ASB8: variants seen among roughly 807,000 people sequenced by gnomAD.
ASB8 encodes ankyrin repeat and SOCS box containing 8.
A neutral mutation model predicts 22.9 loss-of-function variants in ASB8; 15 were observed. The observed-to-expected ratio is 0.66, with a 90% CI of 0.44 to 1.01. The LOEUF (loss-of-function observed/expected upper bound fraction) is 1.01. Ranked by LOEUF, ASB8 falls within the 50% of genes least tolerant of loss-of-function variation. The pLI, the probability that ASB8 is intolerant of heterozygous loss-of-function variation, is 0.00. For synonymous variants in ASB8, 124 were observed against 140.8 expected, an observed-to-expected ratio of 0.88 and a Z score of 0.84; for missense variants, 294 against 356.9, an observed-to-expected ratio of 0.82 and a Z score of 1.42.
At chr12:48,154,441 A>T (rs893409667) in intron 1 of ASB8, among the ~76,000 whole-genome samples, 2 of 138,544 alleles carry the variant, frequency 1.4e-5, no homozygotes, top group Admixed American at 1.6e-4. Flanking sequence ...AGATCGGGCC[A>T]CCGCACTCCA....
At chr12:48,154,436 G>A (rs1481519482) in intron 1 of ASB8, among the ~76,000 whole-genome samples, 8 of 148,008 alleles carry the variant, frequency 5.4e-5, no homozygotes, top group African/African-American at 1.5e-4. Flanking sequence ...AGCCGAGATC[G>A]GGCCACCGCA....
At chr12:48,152,231 T>TA (rs1951215614) in intron 2 of ASB8, among the ~76,000 whole-genome samples, 1 of 152,106 alleles carries the variant, frequency 6.6e-6, no homozygotes, top group Non-Finnish European at 1.5e-5. Context: ...GAGCTAGAAT[T>TA]AGAATGTTAC....
At position 48,149,462 on chromosome 12, in the gene ASB8, G is replaced by A. The variant is rs758866263; in HGVS notation, c.771C>T (p.Ala257=). ...ACTGGAGTCCCAGGCTACGGCGCACGGCATAGCGAGCGAGTGTTTTTAGAG... is the reference window on the plus strand; with the variant it reads ...ACTGGAGTCCCAGGCTACGGCGCACAGCATAGCGAGCGAGTGTTTTTAGAG... ...PGTLKTLARY[A]VRRSLGLQYL... The change falls in exon 4 of 4, where the codon GCC becomes GCT. Residue 257 remains alanine, a synonymous_variant. Transcript: ENST00000317697. 3.5e-5 allele frequency: 56 copies of A among 1,613,996 alleles called. 1 individual carries two copies. The Admixed American group carries it at 7.3e-4, about 21-fold the overall frequency.
chr12:48,149,466 T>C lies in ASB8; in HGVS notation c.767A>G (p.Tyr256Cys). ...GAGTCCCAGGCTACGGCGCACGGCA[T>C]AGCGAGCGAGTGTTTTTAGAGTTCC... is the stretch of plus-strand genomic sequence containing the variant. ...APGTLKTLAR[Y>C]AVRRSLGLQY... Residue 256 changes from tyrosine to cysteine, a missense_variant, in exon 4 of 4, where the codon TAT becomes TGT. Physicochemically the swap from Tyr to Cys is radical, Grantham distance 194. Transcript: ENST00000317697. 2 of 1,614,180 alleles carry C rather than the reference T, an allele frequency of 1.2e-6. No homozygotes were observed. Among genetic ancestry groups the C allele is most frequent in the Non-Finnish European group, 1.7e-6 (2 of 1,180,004 alleles).
intron 2 of ASB8, chr12:48,152,975 G>C (rs1951226885): frequency 5.6e-6 from 1 of 177,942 alleles, no homozygotes; most frequent in African/African-American, 2.4e-5. Flanking sequence ...CTGCACTCCA[G>C]CCTGGGTGAC....
intron 1 of ASB8, among the ~76,000 whole-genome samples, chr12:48,154,480 C>CAA (rs11384481): frequency 0.18 from 12,986 of 73,214 alleles, 1,815 homozygotes; most frequent in East Asian, 0.3. Context: ...GACTCTATCT[C>CAA]AAAAAAAAAA....
At chr12:48,153,304 G>A in intron 2 of ASB8, 64 bp downstream of exon 2, 1 of 1,576,386 alleles carries the variant, frequency 6.3e-7, no homozygotes. Context: ...GCAAATCTGT[G>A]ATCCATGAGG....
rs777731256 is a variant in ASB8 at position 48,149,937 on chromosome 12, G to A, written c.296C>T (p.Ala99Val). 41 of 1,613,920 alleles carry A rather than the reference G, an allele frequency of 2.5e-5. No homozygotes were observed. Among genetic ancestry groups the A allele is most frequent in the East Asian group, 4.5e-5 (2 of 44,898 alleles). Residue 99 changes from alanine to valine, a missense_variant, in exon 4 of 4, where the codon GCT becomes GTT. Ala to Val is a moderately conservative substitution (Grantham distance 64). Coordinates refer to ENST00000317697, the MANE Select transcript of ASB8 (RefSeq NM_024095.5). ...ALHYAAEKDE[A>V]CVEVLLEYGA... Reference sequence around the variant, plus strand: ...ATACTCCAATAGGACCTCCACACAAGCCTCATCTTTCTCTGCTGCATAGTG... The same window carrying A: ...ATACTCCAATAGGACCTCCACACAAACCTCATCTTTCTCTGCTGCATAGTG...
intron 1 of ASB8, among the ~76,000 whole-genome samples, chr12:48,154,216 C>T (rs1951254377): frequency 6.6e-6 from 1 of 152,178 alleles, no homozygotes; most frequent in African/African-American, 2.4e-5. Flanking sequence ...CGTGGTGGCT[C>T]ATGCCTGTAA....
intron 3 of ASB8, 57 bp from the exon 4 acceptor site, chr12:48,150,055 G>A: frequency 6.4e-7 from 1 of 1,558,510 alleles, no homozygotes. Context: ...AGACAGGACA[G>A]CAGCAAAGAA....
intron 1 of ASB8, 57 bp from the exon 2 acceptor site, chr12:48,153,586 G>T: frequency 7.0e-7 from 1 of 1,428,212 alleles, no homozygotes. Context: ...TGTCTTTAGG[G>T]TTAGGTCTTC....
rs1230030810 is a variant in ASB8, at chr12:48,151,253, C to T, written c.182G>A (p.Cys61Tyr). 6.2e-7 allele frequency: 1 copy of T among 1,614,186 alleles called. No homozygotes were observed. ...HGTLKPLHCACMVSDADCVEL... is the reference protein window; with the variant it reads ...HGTLKPLHCAYMVSDADCVEL... Reference sequence around the variant, plus strand: ...CACACAGTCAGCATCTGACACCATACAGGCACAGTGCAAGGGCTTCAGTGT... The same window carrying T: ...CACACAGTCAGCATCTGACACCATATAGGCACAGTGCAAGGGCTTCAGTGT... Residue 61 changes from cysteine to tyrosine, a missense_variant, in exon 3 of 4, where the codon TGT becomes TAT. Coordinates refer to ENST00000317697, the MANE Select transcript of ASB8 (RefSeq NM_024095.5).
In ASB8 at chr12:48,151,615, C is replaced by A. The variant is rs777748817; in HGVS notation, c.130-310G>T. The A allele has an allele frequency of 5.7e-6, 8 of 1,413,300 alleles. No homozygotes were observed. The South Asian group carries it at 9.7e-5, about 17-fold the overall frequency. The allele number at this position is 1,413,300 out of a possible 1,614,324, so 87.5% of individuals were successfully genotyped here. ...TGTATCAAAGCACTGGAAACCTTAT[C>A]ATCAGGCAGGAAAGCTGGACCAGCA... On this transcript the variant is annotated intron_variant, in intron 2 of 3. Transcript: ENST00000317697.
Position 48,149,640 on chromosome 12 carries a change from C to G in ASB8, c.593G>C (p.Gly198Ala). Residue 198 changes from glycine to alanine, a missense_variant, in exon 4 of 4, where the codon GGA becomes GCA. Gly to Ala is a moderately conservative substitution (Grantham distance 60). Transcript: ENST00000317697. ...ISRLVALLVR[G>A]LGTEKEDSCF... ...AGAGTCCTCTTTCTCTGTTCCAAGT[C>G]CCCTGACTAGCAGAGCCACCAGGCG... 6.2e-7 allele frequency: 1 copy of G among 1,614,140 alleles called. No individual in the cohort carries two copies. The highest frequency in any genetic ancestry group is 1.1e-5 in the South Asian group (1 of 91,080).
At chr12:48,150,672 C>A (rs1342940583) in intron 3 of ASB8, among the ~76,000 whole-genome samples, 1 of 151,996 alleles carries the variant, frequency 6.6e-6, no homozygotes, top group Non-Finnish European at 1.5e-5. Flanking sequence ...ATAGCATATA[C>A]CCTCATTAAT....
Position 48,149,590 on chromosome 12 carries a change from C to G in ASB8, c.643G>C (p.Val215Leu), listed in dbSNP as rs148915736. 1 of 1,614,166 alleles carries G rather than the reference C, an allele frequency of 6.2e-7. No individual in the cohort carries two copies. The highest frequency in any genetic ancestry group is 8.5e-7 in the Non-Finnish European group (1 of 1,179,984). The change falls in exon 4 of 4, where the codon GTT becomes CTT. Residue 215 changes from valine to leucine, a missense_variant. Physicochemically the swap from Val to Leu is conservative, Grantham distance 32. Coordinates refer to ENST00000317697, the MANE Select transcript of ASB8 (RefSeq NM_024095.5). ...DSCFELLHRAVGHFELRKNGT... is the reference protein window; with the variant it reads ...DSCFELLHRALGHFELRKNGT... ...TTTTTCCTCAATTCAAAGTGTCCAA[C>G]AGCTCTGTGGAGGAGCTCAAAGCAA...
intron 2 of ASB8, 164 bp downstream of exon 2, chr12:48,153,204 G>T: frequency 2.5e-6 from 2 of 807,746 alleles, no homozygotes; most frequent in Non-Finnish European, 3.9e-6. Flanking sequence ...GGGAAGCGAA[G>T]CAAACATAGG....
chr12:48,153,307 C>A, intron 2 of ASB8, 61 bp downstream of exon 2: 1 of 1,582,146 alleles, frequency 6.3e-7, no homozygotes, highest in Non-Finnish European at 8.7e-7. Flanking sequence ...AATCTGTGAT[C>A]CATGAGGATT....
chr12:48,150,258 G>A, intron 3 of ASB8: 1 of 694,090 alleles, frequency 1.4e-6, no homozygotes, highest in Admixed American at 2.0e-5. Flanking sequence ...TTTGGTTTTT[G>A]CTGCAATGTT....
Sources: gnomAD v4.1 joint callset for allele counts (sites outside exome capture counted in the v4.1 genomes callset) on GRCh38, gnomAD v4.1.1 for gene constraint, MANE v1.5 for transcripts, NCBI Gene and HGNC (gene_info 2026-07-23, HGNC 2026-07-21) for gene names.